LONP2: variants seen among roughly 807,000 people sequenced by gnomAD.
The protein encoded by LONP2 is lon protease homolog 2, peroxisomal.
Under a neutral mutation model 85.6 loss-of-function variants are expected in LONP2, and 60 were observed. The ratio of observed to expected loss-of-function variants is 0.70; its 90% CI spans 0.57 to 0.87. The LOEUF (loss-of-function observed/expected upper bound fraction) is 0.87, where lower values mean the gene tolerates loss of function less well. LONP2 is among the 40% of genes least tolerant of loss of function. The pLI is 0.00. For missense variants in LONP2, 860 were observed against 1,063.5 expected, an observed-to-expected ratio of 0.81 and a Z score of 2.66; for synonymous variants, 395 against 389.7, an observed-to-expected ratio of 1.01 and a Z score of -0.16.
intron 10 of LONP2, among the ~76,000 whole-genome samples, chr16:48,300,873 C>G (rs899694933): frequency 6.6e-6 from 1 of 152,046 alleles, no homozygotes; most frequent in African/African-American, 2.4e-5. Flanking sequence ...GATAGCTTCC[C>G]CATCTGTAAA....
At chr16:48,343,272 G>T (rs1597001261) in intron 12 of LONP2, among the ~76,000 whole-genome samples, 1 of 152,018 alleles carries the variant, frequency 6.6e-6, no homozygotes. Flanking sequence ...GATTGGAAGG[G>T]TCACAAAGAG....
intron 14 of LONP2, among the ~76,000 whole-genome samples, chr16:48,348,692 C>CT (rs1960050855): frequency 6.6e-6 from 1 of 152,064 alleles, no homozygotes; most frequent in Admixed American, 6.6e-5. Context: ...CAGGGTCTCT[C>CT]TGTGTTGTCC....
intron 8 of LONP2, among the ~76,000 whole-genome samples, chr16:48,288,176 C>T (rs1353567993): frequency 1.1e-4 from 13 of 117,474 alleles, no homozygotes; most frequent in South Asian, 8.0e-4. Flanking sequence ...TTTTTTGAGA[C>T]GGAGTCTTGC....
At chr16:48,294,369 T>C (rs1972624097) in intron 8 of LONP2, among the ~76,000 whole-genome samples, 1 of 152,242 alleles carries the variant, frequency 6.6e-6, no homozygotes, top group South Asian at 2.1e-4. Context: ...TTATTAAGTC[T>C]TGTGAAAATG....
At position 48,244,478 on chromosome 16, in the gene LONP2, C is replaced by G; in HGVS notation, c.90C>G (p.Arg30=). ...EGVLLPGSTM[R]TSVDSARNLQ... Reference sequence around the variant, plus strand: ...TCCTGCTGCCCGGCTCCACCATGCGCACCAGCGTGGACTCGGCCCGCAACC... The same window carrying G: ...TCCTGCTGCCCGGCTCCACCATGCGGACCAGCGTGGACTCGGCCCGCAACC... The change falls in exon 1 of 15, where the codon CGC becomes CGG. Residue 30 remains arginine (R), a synonymous_variant. Transcript: ENST00000285737. 6.2e-7 allele frequency: 1 copy of G among 1,600,214 alleles called. No individual in the cohort carries two copies. The highest frequency in any genetic ancestry group is 8.5e-7 in the Non-Finnish European group (1 of 1,177,108).
chr16:48,354,102 T>TGGGGGGGG lies in LONP2; in HGVS notation c.*2304_*2305insGGGGGGGG, dbSNP rs1960247213. 5.3e-4 allele frequency: 1 copy of TGGGGGGGG among 1,880 alleles called. No homozygotes were observed. The highest frequency in any genetic ancestry group is 2.4e-3 in the African/African-American group (1 of 422). 0.1% of individuals were successfully genotyped at this position (1,880 alleles called of 1,614,324 possible). A position where few individuals can be genotyped will look rare whatever the true frequency, so the allele number is the denominator to read the frequency against. ...TTTGGGGGGGGTGGGGGGTTAGGGG[T>TGGGGGGGG]GGGGCGGGTGGGGAAGAGCCAAAAT... is the stretch of plus-strand genomic sequence containing the variant. On this transcript the variant is annotated 3_prime_UTR_variant, in exon 15 of 15. Transcript: ENST00000285737.
chr16:48,336,897 A>G (rs190942258), intron 12 of LONP2, among the ~76,000 whole-genome samples: 81 of 152,156 alleles, frequency 5.3e-4, no homozygotes, highest in African/African-American at 1.9e-3. Context: ...TTTTTTTCAT[A>G]CTTGAAAGTG....
chr16:48,349,917 G>A lies in LONP2; in HGVS notation c.2337+1627G>A, dbSNP rs79024816. On this transcript the variant is annotated intron_variant, in intron 14 of 14. Transcript: ENST00000285737. ...CTTTTCAGATTACTGAGGATAAAGCGGCCTCAGCACTGACACTGGATGTGC... is the reference window on the plus strand; with the variant it reads ...CTTTTCAGATTACTGAGGATAAAGCAGCCTCAGCACTGACACTGGATGTGC... Among the ~76,000 whole-genome samples the A allele has an allele frequency of 6.7e-3, 1,017 of 152,244 alleles. 13 individuals carry two copies. The highest frequency in any genetic ancestry group is 0.023 in the African/African-American group (964 of 41,550).
At chr16:48,271,779 G>A (rs1459984205) in intron 7 of LONP2, among the ~76,000 whole-genome samples, 1 of 152,146 alleles carries the variant, frequency 6.6e-6, no homozygotes, top group Non-Finnish European at 1.5e-5. Context: ...AATAAACAAT[G>A]AGGCGTGCAG....
intron 4 of LONP2, 131 bp from the exon 5 acceptor site, chr16:48,261,293 C>T (rs934737638): frequency 1.6e-6 from 1 of 634,152 alleles, no homozygotes; most frequent in Non-Finnish European, 2.5e-6. Flanking sequence ...TTCTGAACTT[C>T]ACTTCCTAAA....
chr16:48,313,660 G>T (rs990597114), intron 11 of LONP2, among the ~76,000 whole-genome samples: 1 of 152,092 alleles, frequency 6.6e-6, no homozygotes, highest in Non-Finnish European at 1.5e-5. Context: ...ACATGCTCTC[G>T]TTCCTTTTTA....
intron 8 of LONP2, among the ~76,000 whole-genome samples, chr16:48,283,900 C>T (rs1596944766): frequency 6.6e-6 from 1 of 152,232 alleles, no homozygotes; most frequent in Middle Eastern, 3.4e-3. Context: ...AAAAGATTCA[C>T]CATTCTAGAT....
chr16:48,269,956 G>A, intron 6 of LONP2, 60 bp from the exon 7 acceptor site: 2 of 1,534,070 alleles, frequency 1.3e-6, no homozygotes, highest in African/African-American at 2.8e-5. Context: ...ATGCTTGAAA[G>A]GAGTTCTTTA....
In LONP2 at chr16:48,289,586, T is replaced by G. The variant is rs1047535278; in HGVS notation, c.1384-6429T>G. Among the ~76,000 whole-genome samples the G allele has an allele frequency of 2.6e-5, 4 of 152,284 alleles. No homozygotes were observed. The South Asian group carries it at 8.3e-4, about 32-fold the overall frequency. ...TTTTGGGGGCCAAATATATTTTCTT[T>G]TCACAGCACACATGGACAGCAATGT... On this transcript the variant is annotated intron_variant, in intron 8 of 14. Transcript: ENST00000285737.
intron 12 of LONP2, among the ~76,000 whole-genome samples, chr16:48,337,043 G>A (rs913176018): frequency 9.9e-5 from 15 of 152,154 alleles, no homozygotes; most frequent in South Asian, 2.1e-4. Context: ...TTTCTTGTCC[G>A]TGAGGGCTGT....
At chr16:48,259,945 CA>C (rs1596915674) in intron 4 of LONP2, among the ~76,000 whole-genome samples, 1 of 152,056 alleles carries the variant, frequency 6.6e-6, no homozygotes, top group Non-Finnish European at 1.5e-5. Context: ...AAGCAAGAGA[CA>C]GTTATTTAAA....
At chr16:48,300,165 G>T (rs1161027754) in intron 10 of LONP2, among the ~76,000 whole-genome samples, 2 of 152,212 alleles carry the variant, frequency 1.3e-5, no homozygotes, top group Non-Finnish European at 2.9e-5. Flanking sequence ...TTATGCCCAG[G>T]ATCTTGAAAG....
intron 1 of LONP2, among the ~76,000 whole-genome samples, chr16:48,246,541 G>T (rs1304682849): frequency 2.0e-5 from 3 of 152,114 alleles, no homozygotes; most frequent in Non-Finnish European, 4.4e-5. Flanking sequence ...GTATTATTCT[G>T]GCAAGATTTT....
intron 2 of LONP2, among the ~76,000 whole-genome samples, chr16:48,254,699 C>T (rs954210584): frequency 6.6e-6 from 1 of 152,156 alleles, no homozygotes; most frequent in African/African-American, 2.4e-5. Flanking sequence ...TCTCTGTGTG[C>T]CTTCACAGTC....
Sources: gnomAD v4.1 joint callset for allele counts (sites outside exome capture counted in the v4.1 genomes callset) on GRCh38, gnomAD v4.1.1 for gene constraint, MANE v1.5 for transcripts, NCBI Gene and HGNC (gene_info 2026-07-23, HGNC 2026-07-21) for gene names.